DDHD1: variants seen among roughly 807,000 people sequenced by gnomAD.
DDHD1 encodes DDHD domain containing 1.
Under a neutral mutation model 96.4 loss-of-function variants are expected in DDHD1, and 49 were observed. The observed-to-expected ratio is 0.51, with a 90% CI of 0.40 to 0.64. DDHD1 has a LOEUF of 0.64. Ranked by LOEUF, DDHD1 falls within the 30% of genes least tolerant of loss-of-function variation. DDHD1 has a pLI of 0.00. For missense variants in DDHD1, 1,106 were observed against 1,161.2 expected, an observed-to-expected ratio of 0.95 and a Z score of 0.69; for synonymous variants, 442 against 446.5, an observed-to-expected ratio of 0.99 and a Z score of 0.13.
intron 1 of DDHD1, among the ~76,000 whole-genome samples, chr14:53,136,534 C>G (rs1359821585): frequency 6.6e-6 from 1 of 152,116 alleles, no homozygotes; most frequent in African/African-American, 2.4e-5. Context: ...TATTCTTTAG[C>G]TGAGTACTGG....
At chr14:53,129,639 T>C (rs1388771355) in intron 1 of DDHD1, among the ~76,000 whole-genome samples, 2 of 144,830 alleles carry the variant, frequency 1.4e-5, no homozygotes, top group South Asian at 2.1e-4. Flanking sequence ...CTCCCGCCCA[T>C]GTCTCTACCC....
At chr14:53,061,057 G>A in intron 8 of DDHD1, 69 bp downstream of exon 8, 3 of 1,307,844 alleles carry the variant, frequency 2.3e-6, no homozygotes, top group South Asian at 2.6e-5. Flanking sequence ...GAATCCTAAA[G>A]GCATATTTCA....
chr14:53,086,499 A>G (rs993332371), intron 4 of DDHD1, among the ~76,000 whole-genome samples: 2 of 152,208 alleles, frequency 1.3e-5, no homozygotes, highest in African/African-American at 4.8e-5. Context: ...GCCAATATTC[A>G]ACATTCTTAA....
intron 1 of DDHD1, among the ~76,000 whole-genome samples, chr14:53,104,655 C>A (rs190132420): frequency 6.6e-6 from 1 of 152,074 alleles, no homozygotes; most frequent in South Asian, 2.1e-4. Flanking sequence ...TCTTGGCTAA[C>A]TTTTGATGAA....
At chr14:53,061,549 A>C (rs1053692400) in intron 7 of DDHD1, among the ~76,000 whole-genome samples, 5 of 152,080 alleles carry the variant, frequency 3.3e-5, no homozygotes, top group Non-Finnish European at 5.9e-5. Context: ...GAGTTTAGAG[A>C]TCTTTTCATT....
At position 53,046,892 on chromosome 14, in the gene DDHD1, T is replaced by C. The variant is rs1317949325; in HGVS notation, c.2579A>G (p.Tyr860Cys). ...AGTATGCGACGTGACAGCTGACCAA[T>C]AGCGGCTCTCCACAAGGCCTTCTCT... The part of the protein sequence containing the change: ...ELREGLVESR[Y>C]WSAVTSHTAY... The change falls in exon 13 of 13, where the codon TAT becomes TGT. Residue 860 changes from tyrosine (Y) to cysteine (C), a missense_variant. Physicochemically the swap from Tyr to Cys is radical, Grantham distance 194. Transcript: ENST00000673822. 8.7e-6 allele frequency: 14 copies of C among 1,613,592 alleles called. No individual in the cohort carries two copies. In the East Asian group the frequency reaches 8.9e-5, roughly 10 times the overall value.
In DDHD1 at chr14:53,152,356, A is replaced by T. The variant is rs759392241; in HGVS notation, c.743T>A (p.Met248Lys). 1.2e-6 allele frequency: 2 copies of T among 1,613,712 alleles called. No homozygotes were observed. The change falls in exon 1 of 13, where the codon ATG becomes AAG. Residue 248 changes from methionine to lysine, a missense_variant. By Grantham distance (95) the Met-to-Lys change is moderately conservative. Around this residue, in one of 2 missense-constraint regions of DDHD1, gnomAD observed 456 missense variants for 402.4 expected, o/e 1.13. Transcript: ENST00000673822. ...AGGCTCGATGTTCACAAGCTCCACC[A>T]TCTCCGGCTCGTGCCCCGTCGTACT... is the stretch of plus-strand genomic sequence containing the variant. ...CQSTTGHEPE[M>K]VELVNIEPVC...
At position 53,152,895 on chromosome 14, in the gene DDHD1, C is replaced by A; in HGVS notation, c.204G>T (p.Ala68=). Residue 68 remains alanine (A), a synonymous_variant, in exon 1 of 13, where the codon GCG becomes GCT. Transcript: ENST00000673822. ...GGTGGTTGTGGTCGTCGGTGCCCGG[C>A]GCCAAATGCAGCCCGGGTTCCCCGC... The part of the protein sequence containing the change: ...LLRGEPGLHL[A]PGTDDHNHHL... The A allele has an allele frequency of 6.2e-7, 1 of 1,608,522 alleles. No homozygotes were observed. Among genetic ancestry groups the A allele is most frequent in the Non-Finnish European group, 8.5e-7 (1 of 1,177,802 alleles).
intron 1 of DDHD1, among the ~76,000 whole-genome samples, chr14:53,127,780 T>C (rs989847997): frequency 1.3e-5 from 2 of 152,134 alleles, no homozygotes; most frequent in Non-Finnish European, 2.9e-5. Flanking sequence ...TACTTCCTGG[T>C]GTTATTAGTA....
At chr14:53,127,146 A>G (rs1889513052) in intron 1 of DDHD1, among the ~76,000 whole-genome samples, 1 of 152,250 alleles carries the variant, frequency 6.6e-6, no homozygotes. Flanking sequence ...TGAGAAATTT[A>G]TTTAGAAAAT....
chr14:53,101,273 A>T (rs1887274029), intron 2 of DDHD1, among the ~76,000 whole-genome samples: 1 of 152,118 alleles, frequency 6.6e-6, no homozygotes, highest in Non-Finnish European at 1.5e-5. Context: ...TCTTTCCTTA[A>T]GACTTGTTAT....
In DDHD1 at chr14:53,117,829, T is replaced by G. The variant is rs10135977; in HGVS notation, c.839-13973A>C. ...TTCTCTCAGCAGGGCATTCGAACTCTGAGAATGGACAGATTGCCTCCTCAA... is the reference window on the plus strand; with the variant it reads ...TTCTCTCAGCAGGGCATTCGAACTCGGAGAATGGACAGATTGCCTCCTCAA... On this transcript the variant is annotated intron_variant, in intron 1 of 12. Coordinates refer to ENST00000673822, the MANE Select transcript of DDHD1 (RefSeq NM_001160148.2). Among the ~76,000 whole-genome samples, 582 of 152,284 alleles carry G rather than the reference T, an allele frequency of 3.8e-3. 3 individuals carry two copies. Among genetic ancestry groups the G allele is most frequent in the African/African-American group, 0.013 (549 of 41,568 alleles).
chr14:53,096,990 T>C (rs547127182), intron 2 of DDHD1, among the ~76,000 whole-genome samples: 6 of 152,098 alleles, frequency 3.9e-5, no homozygotes, highest in Admixed American at 3.3e-4. Context: ...AAAGTCAACA[T>C]TTTCCCTGTC....
chr14:53,063,001 G>A lies in DDHD1; in HGVS notation c.1708C>T (p.Arg570Ter). The A allele has an allele frequency of 1.2e-6, 2 of 1,613,944 alleles. No individual in the cohort carries two copies. Among genetic ancestry groups the A allele is most frequent in the Non-Finnish European group, 1.7e-6 (2 of 1,179,970 alleles). ...LQKEEELPDERWMSYEERHLL... is the reference protein window; with the variant it reads ...LQKEEELPDE ...TGTCGTTCTTCATAGCTCATCCATCGTTCATCAGGCAACTCTTCTTCCTTT... is the reference window on the plus strand; with the variant it reads ...TGTCGTTCTTCATAGCTCATCCATCATTCATCAGGCAACTCTTCTTCCTTT... Residue 570 changes from arginine (R) to a stop codon, truncating the protein, a stop_gained, in exon 7 of 13, where the codon CGA becomes TGA. Coordinates refer to ENST00000673822, the MANE Select transcript of DDHD1 (RefSeq NM_001160148.2). LOFTEE classifies it high-confidence loss of function.
intron 2 of DDHD1, among the ~76,000 whole-genome samples, chr14:53,094,534 T>C (rs1005655668): frequency 2.0e-5 from 3 of 151,498 alleles, no homozygotes; most frequent in African/African-American, 7.3e-5. Flanking sequence ...AGACCCCGTC[T>C]CTTAAAAAGA....
chr14:53,038,619 T>C lies in DDHD1; in HGVS notation c.*8149A>G, dbSNP rs979293507. On this transcript the variant is annotated 3_prime_UTR_variant, in exon 13 of 13. Transcript: ENST00000673822. ...CCAAAGCAATTTACAGAATCAATGCTGTCCTATCAAACTACCAACCTCATT... is the reference window on the plus strand; with the variant it reads ...CCAAAGCAATTTACAGAATCAATGCCGTCCTATCAAACTACCAACCTCATT... 3.9e-5 allele frequency: 6 copies of C among 152,206 alleles called. No homozygotes were observed. The highest frequency in any genetic ancestry group is 8.8e-5 in the Non-Finnish European group (6 of 68,032). 9.4% of individuals were successfully genotyped at this position (152,206 alleles called of 1,614,324 possible).
chr14:53,072,561 A>T, intron 6 of DDHD1, 36 bp downstream of exon 6: 1 of 1,299,948 alleles, frequency 7.7e-7, no homozygotes, highest in Non-Finnish European at 1.1e-6. Context: ...GCTATCACTA[A>T]AAAATACCCA....
At position 53,054,725 on chromosome 14, in the gene DDHD1, C is replaced by T. The variant is rs562230042; in HGVS notation, c.2246-96G>A. The T allele has an allele frequency of 2.5e-6, 3 of 1,193,646 alleles. No homozygotes were observed. In the South Asian group the frequency reaches 4.8e-5, roughly 19 times the overall value. The allele number at this position is 1,193,646 out of a possible 1,614,324, so 73.9% of individuals were successfully genotyped here. ...TAATTATAGCCAACTGGCAGAGGGA[C>T]CAAACCCTAGTCATGTTTTTCCAGG... On this transcript the variant is annotated intron_variant, in intron 10 of 12. Transcript: ENST00000673822.
chr14:53,148,644 A>G (rs938161445), intron 1 of DDHD1, among the ~76,000 whole-genome samples: 1 of 152,186 alleles, frequency 6.6e-6, no homozygotes, highest in African/African-American at 2.4e-5. Flanking sequence ...AGCTCATGAA[A>G]TATCTCTAGA....
Sources: allele counts gnomAD v4.1 joint callset (sites outside exome capture counted in the v4.1 genomes callset), GRCh38; gene constraint gnomAD v4.1.1; regional missense constraint gnomAD v4.1.1; transcripts MANE v1.5; gene names NCBI Gene and HGNC (gene_info 2026-07-23, HGNC 2026-07-21).